The following PSG3 variants were observed in gnomAD, a reference collection of about 807,000 sequenced individuals.
PSG3 encodes the protein pregnancy-specific beta-1-glycoprotein 3.
In PSG3, 61 loss-of-function variants were observed where a neutral mutation model predicts 47.5. That is an observed-to-expected ratio of 1.28 (90% CI 1.05 to 1.59). The LOEUF (loss-of-function observed/expected upper bound fraction) is 1.59. PSG3 is among the 40% of genes most tolerant of loss of function. The pLI is 0.00. For missense variants in PSG3, 756 were observed against 524.0 expected, an observed-to-expected ratio of 1.44 and a Z score of -4.32; for synonymous variants, 263 against 198.4, an observed-to-expected ratio of 1.33 and a Z score of -2.74.
At chr19:42,735,065 AG>A (rs1969540576) in intron 2 of PSG3, among the ~76,000 whole-genome samples, 1 of 152,220 alleles carries the variant, frequency 6.6e-6, no homozygotes, top group African/African-American at 2.4e-5. Flanking sequence ...CAGGCAGTAA[AG>A]CCATCAGATA....
In PSG3 at chr19:42,721,997, C is replaced by T. The variant is rs145251164; in HGVS notation, c.*134G>A. ...TATCAGGAACTTGTATTCAAGAGTC[C>T]TTGTCAGAGTCTTTTCATAAATCTC... is the stretch of plus-strand genomic sequence containing the variant. On this transcript the variant is annotated 3_prime_UTR_variant, in exon 7 of 7. Transcript: ENST00000327495. 0.015 allele frequency: 6,082 copies of T among 417,090 alleles called. 303 individuals carry two copies. Among genetic ancestry groups the T allele is most frequent in the African/African-American group, 0.11 (5,426 of 48,736 alleles). 25.8% of individuals were successfully genotyped at this position (417,090 alleles called of 1,614,324 possible). A position where few individuals can be genotyped will look rare whatever the true frequency, so the allele number is the denominator to read the frequency against.
intron 5 of PSG3, among the ~76,000 whole-genome samples, chr19:42,724,553 G>T (rs1038790023): frequency 1.3e-4 from 20 of 152,158 alleles, no homozygotes; most frequent in African/African-American, 4.8e-4. Context: ...ATGGGTGACT[G>T]GTTGGAGGAT....
rs141670804 is a variant in PSG3, at chr19:42,740,355, T to A, written c.30A>T (p.Thr10=). MGPLSAPPC[T]QRITWKGLLL... is the part of the protein sequence containing the mutation. ...GGAGCCCCTTCCAGGTGATGCGCTG[T>A]GTGCAGGGAGGGGCTGAGAGGGGCC... Residue 10 remains threonine (T), a synonymous_variant, in exon 1 of 7, where the codon ACA becomes ACT. Transcript: ENST00000327495. The A allele has an allele frequency of 3.5e-5, 56 of 1,613,960 alleles. No homozygotes were observed. The African/African-American group carries it at 6.3e-4, about 18-fold the overall frequency.
Position 42,721,674 on chromosome 19 carries a change from C to A in PSG3, c.*457G>T, listed in dbSNP as rs1053883837. On this transcript the variant is annotated 3_prime_UTR_variant, in exon 7 of 7. Coordinates refer to ENST00000327495, the MANE Select transcript of PSG3 (RefSeq NM_021016.4). ...GTGCAGATAACTTTATTACCATAAA[C>A]ATATGAATACTCCTGAATAGTTTCC... 2 of 310,042 alleles carry A rather than the reference C, an allele frequency of 6.5e-6. No individual in the cohort carries two copies. Among genetic ancestry groups the A allele is most frequent in the Non-Finnish European group, 1.2e-5 (2 of 171,118 alleles). 19.2% of individuals were successfully genotyped at this position (310,042 alleles called of 1,614,324 possible).
chr19:42,731,460 G>A (rs974574137), intron 3 of PSG3, among the ~76,000 whole-genome samples: 7 of 151,906 alleles, frequency 4.6e-5, no homozygotes, highest in African/African-American at 7.3e-5. Context: ...ATTAGTTTTC[G>A]GTGAATTCCA....
intron 2 of PSG3, among the ~76,000 whole-genome samples, chr19:42,734,881 G>T (rs558901116): frequency 6.6e-6 from 1 of 152,162 alleles, no homozygotes; most frequent in Non-Finnish European, 1.5e-5. Context: ...CCCAAAACAG[G>T]TATGTGAAAT....
Position 42,723,926 on chromosome 19 carries a change from G to C in PSG3, c.*40+16C>G, listed in dbSNP as rs1285542514. Reference sequence around the variant, plus strand: ...TAGCCCTGCAGGAACCAGGATAAGAGGAAAGGTCATCATACCTGCCAGTCT... The same window carrying C: ...TAGCCCTGCAGGAACCAGGATAAGACGAAAGGTCATCATACCTGCCAGTCT... On this transcript the variant is annotated intron_variant, in intron 6 of 6. Coordinates refer to ENST00000327495, the MANE Select transcript of PSG3 (RefSeq NM_021016.4). 6.5e-7 allele frequency: 1 copy of C among 1,545,306 alleles called. No individual in the cohort carries two copies. Among genetic ancestry groups the C allele is most frequent in the Non-Finnish European group, 8.9e-7 (1 of 1,117,760 alleles).
At chr19:42,732,176 G>A (rs1969482687) in intron 3 of PSG3, 1 of 154,192 alleles carries the variant, frequency 6.5e-6, no homozygotes. Flanking sequence ...AGCAGTGGCT[G>A]AGTTATGGAT....
chr19:42,724,652 G>A, intron 5 of PSG3, among the ~76,000 whole-genome samples: 1 of 151,918 alleles, frequency 6.6e-6, no homozygotes, highest in Non-Finnish European at 1.5e-5. Context: ...GCTCTGCATA[G>A]TGGTCTGTGG....
At chr19:42,738,092 C>G (rs1969596654) in intron 2 of PSG3, among the ~76,000 whole-genome samples, 1 of 152,214 alleles carries the variant, frequency 6.6e-6, no homozygotes, top group African/African-American at 2.4e-5. Flanking sequence ...AGGCAGTTGT[C>G]TGATGGCCTA....
At chr19:42,732,425 G>A in intron 3 of PSG3, 1 of 431,140 alleles carries the variant, frequency 2.3e-6, no homozygotes, top group East Asian at 4.4e-5. Flanking sequence ...ATTGTCAGAG[G>A]GAAGGGAAAA....
rs376527728 is a variant in PSG3 at position 42,732,885 on chromosome 19, A to T, written c.608T>A (p.Phe203Tyr). The stretch of plus-strand genomic sequence containing the variant: ...AGTGTACTTTGTGACACCAAATAGA[A>T]AGAGGGTCCTTTTGTTTTTGGACAA... ...LQLSKNKRTL[F>Y]LFGVTKYTAG... The change falls in exon 3 of 7, where the codon TTT becomes TAT. Residue 203 changes from phenylalanine to tyrosine, a missense_variant. By Grantham distance (22) the Phe-to-Tyr change is conservative. Coordinates refer to ENST00000327495, the MANE Select transcript of PSG3 (RefSeq NM_021016.4). 6 of 1,614,006 alleles carry T rather than the reference A, an allele frequency of 3.7e-6. No homozygotes were observed. The African/African-American group carries it at 5.3e-5, about 14-fold the overall frequency.
In PSG3 at chr19:42,729,296, T is replaced by G; in HGVS notation, c.1070A>C (p.Asp357Ala). 6.2e-7 allele frequency: 1 copy of G among 1,613,982 alleles called. No individual in the cohort carries two copies. The highest frequency in any genetic ancestry group is 8.5e-7 in the Non-Finnish European group (1 of 1,179,938). ...AGAATATTCTGCTGGTGGGTTAGAG[T>G]CCGCGAAGCAGGACAAGTAGAGGTT... ...GENLYLSCFA[D>A]SNPPAEYSWT... Residue 357 changes from aspartate (D) to alanine (A), a missense_variant, in exon 5 of 7, where the codon GAC becomes GCC. Physicochemically the swap from Asp to Ala is moderately radical, Grantham distance 126. Coordinates refer to ENST00000327495, the MANE Select transcript of PSG3 (RefSeq NM_021016.4).
intron 2 of PSG3, among the ~76,000 whole-genome samples, chr19:42,738,380 G>A (rs1443107979): frequency 3.3e-5 from 5 of 152,278 alleles, no homozygotes; most frequent in Middle Eastern, 3.4e-3. Context: ...AGTATTTCAT[G>A]GGGCCCCTGA....
Position 42,730,042 on chromosome 19 carries a change from G to T in PSG3, c.724C>A (p.Pro242Thr), listed in dbSNP as rs543335156. ...TTTAAGTTGTTGATGGTGATGTAGGGCTTGGGCAGCTTCGCTGTGTGGATA... is the reference window on the plus strand; with the variant it reads ...TTTAAGTTGTTGATGGTGATGTAGGTCTTGGGCAGCTTCGCTGTGTGGATA... Reference protein sequence around the residue: ...TLNLLPKLPKPYITINNLNPR... With the variant: ...TLNLLPKLPKTYITINNLNPR... Residue 242 changes from proline to threonine, a missense_variant, in exon 4 of 7, where the codon CCC becomes ACC. Physicochemically the swap from Pro to Thr is conservative, Grantham distance 38 (BLOSUM62 -1). Transcript: ENST00000327495. The T allele has an allele frequency of 1.2e-6, 2 of 1,612,452 alleles. No individual in the cohort carries two copies. The highest frequency in any genetic ancestry group is 4.5e-5 in the East Asian group (2 of 44,896).
chr19:42,736,862 C>G (rs1304046916), intron 2 of PSG3, among the ~76,000 whole-genome samples: 1 of 152,132 alleles, frequency 6.6e-6, no homozygotes, highest in Non-Finnish European at 1.5e-5. Context: ...CAGGTGATTT[C>G]TGCACCTTTC....
intron 1 of PSG3, 61 bp downstream of exon 1, chr19:42,740,260 A>T (rs1028050194): frequency 6.2e-6 from 10 of 1,613,488 alleles, no homozygotes; most frequent in Non-Finnish European, 8.5e-6. Context: ...TCTCTCCAGG[A>T]GACCCCATCC....
rs771531189 is a variant in PSG3 at position 42,738,932 on chromosome 19, G to T, written c.222C>A (p.Asp74Glu). Residue 74 changes from aspartate to glutamate, a missense_variant, in exon 2 of 7, where the codon GAC becomes GAA. Coordinates refer to ENST00000327495, the MANE Select transcript of PSG3 (RefSeq NM_021016.4). ...CGTATGATGTAATGTAATGGTAGAGGTCCTTCATTTGCCCTTTGTACCAGA... is the reference window on the plus strand; with the variant it reads ...CGTATGATGTAATGTAATGGTAGAGTTCCTTCATTTGCCCTTTGTACCAGA... Reference protein sequence around the residue: ...GYIWYKGQMKDLYHYITSYVV... With the variant: ...GYIWYKGQMKELYHYITSYVV... The T allele has an allele frequency of 1.9e-6, 3 of 1,613,896 alleles. No individual in the cohort carries two copies. Among genetic ancestry groups the T allele is most frequent in the African/African-American group, 1.3e-5 (1 of 74,846 alleles).
chr19:42,730,825 C>G (rs1228670975), intron 3 of PSG3, among the ~76,000 whole-genome samples: 1 of 152,214 alleles, frequency 6.6e-6, no homozygotes, highest in African/African-American at 2.4e-5. Flanking sequence ...CTGCAGAGGG[C>G]AGGTGAGGAC....
Sources: allele counts gnomAD v4.1 joint callset (sites outside exome capture counted in the v4.1 genomes callset), GRCh38; gene constraint gnomAD v4.1.1; transcripts MANE v1.5; gene names NCBI Gene and HGNC (gene_info 2026-07-23, HGNC 2026-07-21).